The following PCSK5 variants were observed in gnomAD, a reference collection of about 807,000 sequenced individuals.
PCSK5 encodes prohormone convertase 5.
In PCSK5, 129 loss-of-function variants were observed where a neutral mutation model predicts 233.2. The ratio of observed to expected loss-of-function variants is 0.55; its 90% confidence interval spans 0.48 to 0.64. The LOEUF is 0.64. PCSK5 is among the 30% of genes least tolerant of loss of function. The pLI is 0.00. For missense variants in PCSK5, 2,076 were observed against 2,430.1 expected (o/e 0.85, Z 3.06); for synonymous variants, 825 against 879.2 (o/e 0.94, Z 1.09).
chr9:76,041,612 C>A (rs769805290), intron 5 of PCSK5, among the ~76,000 whole-genome samples: 1 of 151,952 alleles, frequency 6.6e-6, no homozygotes, highest in African/African-American at 2.4e-5. Flanking sequence ...GAGGCCAAGG[C>A]GGGCGGATCA....
intron 20 of PCSK5, among the ~76,000 whole-genome samples, chr9:76,198,206 A>T (rs146108025): frequency 6.6e-6 from 1 of 152,280 alleles, no homozygotes; most frequent in Non-Finnish European, 1.5e-5. Flanking sequence ...GGACTTTCTT[A>T]CAAGGTCTCT....
chr9:75,991,024 C>T lies in PCSK5; in HGVS notation c.411+4779C>T, dbSNP rs187037460. On this transcript the variant is annotated intron_variant, in intron 3 of 37. Transcript: ENST00000674117. Reference sequence around the variant, plus strand: ...CGCTTAGTGTGTGTCAAGCATTTTGCCACACTTTCATGTGTATTATCTTAT... The same window carrying T: ...CGCTTAGTGTGTGTCAAGCATTTTGTCACACTTTCATGTGTATTATCTTAT... 2.6e-5 allele frequency among the ~76,000 whole-genome samples: 4 copies of T among 152,258 alleles called. 1 individual carries two copies. Among genetic ancestry groups the T allele is most frequent in the Admixed American group, 2.6e-4 (4 of 15,298 alleles).
chr9:75,980,156 G>A (rs1157194935), intron 2 of PCSK5, among the ~76,000 whole-genome samples: 4 of 152,164 alleles, frequency 2.6e-5, no homozygotes, highest in Admixed American at 2.6e-4. Context: ...CTTAAGGGGA[G>A]AACTATGATG....
chr9:76,198,826 G>A (rs139244537), intron 20 of PCSK5, among the ~76,000 whole-genome samples: 156 of 152,260 alleles, frequency 1.0e-3, no homozygotes, highest in African/African-American at 3.6e-3. Context: ...ATGTGAATCC[G>A]TTTAAGTGCC....
At chr9:75,993,902 T>C (rs1366702978) in intron 3 of PCSK5, among the ~76,000 whole-genome samples, 1 of 152,342 alleles carries the variant, frequency 6.6e-6, no homozygotes, top group South Asian at 2.1e-4. Flanking sequence ...TAGGCATCCC[T>C]TGCCTACCAT....
chr9:75,992,873 A>G (rs150489359), intron 3 of PCSK5, among the ~76,000 whole-genome samples: 2 of 152,300 alleles, frequency 1.3e-5, no homozygotes, highest in African/African-American at 4.8e-5. Context: ...ATATTTGTCG[A>G]TCAGCAGAGT....
chr9:76,179,714 A>T lies in PCSK5; in HGVS notation c.2003+16A>T, dbSNP rs766037465. 6.5e-7 allele frequency: 1 copy of T among 1,540,740 alleles called. No individual in the cohort carries two copies. The highest frequency in any genetic ancestry group is 9.0e-7 in the Non-Finnish European group (1 of 1,113,342). On this transcript the variant is annotated intron_variant, in intron 15 of 37. Transcript: ENST00000674117. Reference sequence around the variant, plus strand: ...ACAATACCAGGTAAGAGAGGTGCCAAGTCACATCCCCACAGCATGTGCCAG... The same window carrying T: ...ACAATACCAGGTAAGAGAGGTGCCATGTCACATCCCCACAGCATGTGCCAG...
chr9:75,983,537 G>A (rs1170737719), intron 2 of PCSK5, among the ~76,000 whole-genome samples: 1 of 152,094 alleles, frequency 6.6e-6, no homozygotes, highest in Non-Finnish European at 1.5e-5. Context: ...GGAGTGTCCC[G>A]GAAATCATGT....
chr9:76,047,823 C>T (rs959209991), intron 5 of PCSK5, among the ~76,000 whole-genome samples: 9 of 152,094 alleles, frequency 5.9e-5, no homozygotes, highest in Non-Finnish European at 8.8e-5. Flanking sequence ...TATGAAAATT[C>T]ATGAGTTTAT....
chr9:76,359,108 CAATT>C lies in PCSK5; in HGVS notation c.*189_*192del, dbSNP rs1830378101. 1.7e-6 allele frequency: 1 copy of C among 580,210 alleles called. No individual in the cohort carries two copies. The highest frequency in any genetic ancestry group is 3.1e-6 in the Non-Finnish European group (1 of 326,912). 35.9% of individuals were successfully genotyped at this position (580,210 alleles called of 1,614,324 possible). A position where few individuals can be genotyped will look rare whatever the true frequency, so the allele number is the denominator to read the frequency against. On this transcript the variant is annotated 3_prime_UTR_variant, in exon 38 of 38. Transcript: ENST00000674117. ...TGTTCTTCTTTTGAGTGGCTAAACT[CAATT>C]AACAGTTCCTGTTCAACCGTAATTG...
At chr9:76,003,258 A>G (rs1827337288) in intron 3 of PCSK5, among the ~76,000 whole-genome samples, 1 of 152,324 alleles carries the variant, frequency 6.6e-6, no homozygotes, top group South Asian at 2.1e-4. Context: ...TTTCAAGAAG[A>G]GACAGCTGGC....
chr9:76,244,306 T>C (rs770678176), intron 24 of PCSK5, among the ~76,000 whole-genome samples: 5 of 152,212 alleles, frequency 3.3e-5, no homozygotes, highest in Non-Finnish European at 7.3e-5. Flanking sequence ...CAGACCATGG[T>C]TTAAGTTTTA....
At chr9:75,958,393 C>G (rs996963899) in intron 2 of PCSK5, among the ~76,000 whole-genome samples, 1 of 152,152 alleles carries the variant, frequency 6.6e-6, no homozygotes, top group African/African-American at 2.4e-5. Flanking sequence ...GTTTATTAGG[C>G]TGTTTTACTC....
chr9:76,295,446 C>T, intron 26 of PCSK5, 35 bp downstream of exon 26: 1 of 1,604,120 alleles, frequency 6.2e-7, no homozygotes, highest in Non-Finnish European at 8.5e-7. Context: ...AAGCTAAGAA[C>T]CAGGCACTGG....
At chr9:76,144,250 G>A (rs1001822067) in intron 10 of PCSK5, among the ~76,000 whole-genome samples, 1 of 151,154 alleles carries the variant, frequency 6.6e-6, no homozygotes, top group African/African-American at 2.5e-5. Context: ...ATACTGTATG[G>A]GATGGTTTTG....
At position 76,233,462 on chromosome 9, in the gene PCSK5, T is replaced by C. The variant is rs1235166320; in HGVS notation, c.2732T>C (p.Ile911Thr). The C allele has an allele frequency of 1.2e-6, 2 of 1,612,652 alleles. No individual in the cohort carries two copies. Among genetic ancestry groups the C allele is most frequent in the Non-Finnish European group, 8.5e-7 (1 of 1,179,764 alleles). ...CTAAAAGTCTGCTTTTCCTCTAGGA[T>C]TTTTGATGATGGCCGCTGTGTTTCG... ...EDCTTCPMTR[I>T]FDDGRCVSNC... Residue 911 changes from isoleucine to threonine, a missense_variant and splice_region_variant, in exon 22 of 38, where the codon ATT (isoleucine) becomes ACT (threonine). Ile to Thr is a moderately conservative substitution (Grantham distance 89). Transcript: ENST00000674117.
At chr9:76,204,938 T>C (rs574267600) in intron 20 of PCSK5, among the ~76,000 whole-genome samples, 1 of 152,224 alleles carries the variant, frequency 6.6e-6, no homozygotes, top group South Asian at 2.1e-4. Flanking sequence ...GCAACCTTTG[T>C]GAGTGTGTCA....
intron 20 of PCSK5, among the ~76,000 whole-genome samples, chr9:76,222,507 C>T (rs1378328095): frequency 1.3e-5 from 2 of 152,156 alleles, no homozygotes; most frequent in Non-Finnish European, 2.9e-5. Context: ...ACCCTTTCCC[C>T]CTACCCTTAG....
At chr9:76,126,807 T>C (rs1240574542) in intron 9 of PCSK5, among the ~76,000 whole-genome samples, 4 of 152,104 alleles carry the variant, frequency 2.6e-5, no homozygotes, top group African/African-American at 4.8e-5. Context: ...GAGAGGGGAT[T>C]AGACGATGAG....
Sources: gnomAD v4.1 joint callset for allele counts (sites outside exome capture counted in the v4.1 genomes callset) on GRCh38, gnomAD v4.1.1 for gene constraint, MANE v1.5 for transcripts, NCBI Gene and HGNC (gene_info 2026-07-23, HGNC 2026-07-21) for gene names.